HIVEP3: variants seen among roughly 807,000 people sequenced by gnomAD.
HIVEP3 encodes the protein HIVEP zinc finger 3, also known as transcription factor HIVEP3.
In HIVEP3, 49 loss-of-function variants were observed where a neutral mutation model predicts 152.8. The ratio of observed to expected loss-of-function variants is 0.32; its 90% CI spans 0.26 to 0.41. The LOEUF is 0.41. Ranked by LOEUF, HIVEP3 falls within the 10% of genes least tolerant of loss-of-function variation. HIVEP3 has a pLI of 1.00. For missense variants in HIVEP3, 2,790 were observed against 3,103.3 expected (o/e 0.90, Z 2.40); for synonymous variants, 1,269 against 1,289.0 (o/e 0.98, Z 0.33).
chr1:41,870,573 C>A (rs1433758669), intron 1 of HIVEP3, among the ~76,000 whole-genome samples: 1 of 152,226 alleles, frequency 6.6e-6, no homozygotes, highest in Non-Finnish European at 1.5e-5. Context: ...AAGCTCCATT[C>A]ATATTCTAAA....
intron 1 of HIVEP3, among the ~76,000 whole-genome samples, chr1:41,741,176 G>C (rs1558228977): frequency 6.6e-6 from 1 of 152,230 alleles, no homozygotes; most frequent in Admixed American, 6.5e-5. Context: ...CAAGAGGATA[G>C]AAACACAGAT....
At chr1:41,992,846 A>G (rs1238115952) in intron 1 of HIVEP3, among the ~76,000 whole-genome samples, 2 of 135,080 alleles carry the variant, frequency 1.5e-5, no homozygotes, top group Admixed American at 7.4e-5. Flanking sequence ...ATAACGCCGC[A>G]TATCTACAAC....
At chr1:41,667,462 G>T (rs988862039) in intron 2 of HIVEP3, among the ~76,000 whole-genome samples, 7 of 152,358 alleles carry the variant, frequency 4.6e-5, no homozygotes, top group African/African-American at 1.7e-4. Flanking sequence ...GGCCCCAGGT[G>T]GGGAAGGCGG....
rs1390834216 is a variant in HIVEP3 at position 41,693,515 on chromosome 1, T to C, written c.-721+7401A>G. Reference sequence around the variant, plus strand: ...TTTTTCCGCTGGCAATTTGTCTTTATCTAATACTTCACTTACAAGAGCTCT... The same window carrying C: ...TTTTTCCGCTGGCAATTTGTCTTTACCTAATACTTCACTTACAAGAGCTCT... On this transcript the variant is annotated intron_variant, in intron 2 of 8. Transcript: ENST00000372583. Among the ~76,000 whole-genome samples, 3 of 152,234 alleles carry C rather than the reference T, an allele frequency of 2.0e-5. No homozygotes were observed. The East Asian group carries it at 5.8e-4, about 29-fold the overall frequency.
At chr1:41,545,990 G>A (rs1643795085) in intron 5 of HIVEP3, among the ~76,000 whole-genome samples, 1 of 152,260 alleles carries the variant, frequency 6.6e-6, no homozygotes, top group South Asian at 2.1e-4. Context: ...AAGGACACAG[G>A]CTTTGAAGCC....
intron 3 of HIVEP3, among the ~76,000 whole-genome samples, chr1:41,598,192 C>A (rs534569247): frequency 1.3e-5 from 2 of 152,194 alleles, no homozygotes; most frequent in Admixed American, 6.5e-5. Flanking sequence ...TCCAGCCAGT[C>A]TCTCATCAAC....
rs180779237 is a variant in HIVEP3 at position 41,882,078 on chromosome 1, C to G, written c.-801+36335G>C. On this transcript the variant is annotated intron_variant, in intron 1 of 8. Coordinates refer to ENST00000372583, the MANE Select transcript of HIVEP3 (RefSeq NM_024503.5). ...TAATGTTTTTGTAGACACATTAAAT[C>G]ATAAAAATCCAAGAAACCATATCTC... Among the ~76,000 whole-genome samples, 46 of 152,306 alleles carry G rather than the reference C, an allele frequency of 3.0e-4. No homozygotes were observed. The East Asian group carries it at 8.5e-3, about 28-fold the overall frequency.
At chr1:41,804,769 C>T (rs1484306751) in intron 1 of HIVEP3, among the ~76,000 whole-genome samples, 2 of 152,182 alleles carry the variant, frequency 1.3e-5, no homozygotes, top group Non-Finnish European at 2.9e-5. Context: ...TGCTGACCCT[C>T]CAATAGGCTG....
At chr1:41,829,105 C>T (rs1420006569) in intron 1 of HIVEP3, among the ~76,000 whole-genome samples, 2 of 152,148 alleles carry the variant, frequency 1.3e-5, no homozygotes, top group South Asian at 4.2e-4. Flanking sequence ...CCTGGCCAGG[C>T]CAGGCACTCA....
intron 5 of HIVEP3, among the ~76,000 whole-genome samples, chr1:41,536,201 C>T (rs1643396801): frequency 6.6e-6 from 1 of 152,092 alleles, no homozygotes; most frequent in African/African-American, 2.4e-5. Context: ...GTGGGCTCCC[C>T]GTCACTAGCA....
chr1:41,696,820 G>T (rs957104245), intron 2 of HIVEP3, among the ~76,000 whole-genome samples: 1 of 152,070 alleles, frequency 6.6e-6, no homozygotes, highest in Non-Finnish European at 1.5e-5. Flanking sequence ...GCCCAGTCAC[G>T]GATGTGGAAT....
At chr1:41,650,276 G>C (rs1300286768) in intron 2 of HIVEP3, among the ~76,000 whole-genome samples, 2 of 152,172 alleles carry the variant, frequency 1.3e-5, no homozygotes, top group Non-Finnish European at 2.9e-5. Context: ...ACACGTGGGC[G>C]GTGACAGAGC....
chr1:41,713,729 C>T (rs1016726822), intron 1 of HIVEP3, among the ~76,000 whole-genome samples: 3 of 152,244 alleles, frequency 2.0e-5, no homozygotes, highest in Non-Finnish European at 2.9e-5. Context: ...TCACTACCTG[C>T]TGGGCAGCCC....
At chr1:42,003,219 GGT>G (rs1156701937) in intron 1 of HIVEP3, among the ~76,000 whole-genome samples, 3 of 152,008 alleles carry the variant, frequency 2.0e-5, no homozygotes, top group Non-Finnish European at 2.9e-5. Flanking sequence ...TGGGAATGCA[GGT>G]GTGCACCACC....
intron 1 of HIVEP3, among the ~76,000 whole-genome samples, chr1:42,006,428 G>A (rs1290102266): frequency 1.3e-5 from 2 of 152,030 alleles, no homozygotes; most frequent in Admixed American, 1.3e-4. Context: ...CTTTGTTTAT[G>A]GGGTAATATC....
intron 2 of HIVEP3, among the ~76,000 whole-genome samples, chr1:41,644,583 C>G (rs1477624074): frequency 6.6e-6 from 1 of 152,020 alleles, no homozygotes; most frequent in East Asian, 1.9e-4. Context: ...GCCTCTAACT[C>G]TCAGAATATA....
intron 1 of HIVEP3, among the ~76,000 whole-genome samples, chr1:41,785,009 A>C (rs942614991): frequency 6.6e-6 from 1 of 152,210 alleles, no homozygotes; most frequent in Non-Finnish European, 1.5e-5. Context: ...GTTGACTGAG[A>C]TCCCCCAAGA....
intron 2 of HIVEP3, among the ~76,000 whole-genome samples, chr1:41,642,095 C>G (rs969434687): frequency 7.9e-5 from 12 of 152,300 alleles, no homozygotes; most frequent in African/African-American, 2.6e-4. Context: ...TTCCTGCCCC[C>G]ACCCTGGCTC....
chr1:41,696,341 T>C (rs2124118602), intron 2 of HIVEP3, among the ~76,000 whole-genome samples: 1 of 152,348 alleles, frequency 6.6e-6, no homozygotes, highest in East Asian at 1.9e-4. Flanking sequence ...GCCACGAACA[T>C]CAACAGCAGC....
Sources: allele counts gnomAD v4.1 joint callset (sites outside exome capture counted in the v4.1 genomes callset), GRCh38; gene constraint gnomAD v4.1.1; transcripts MANE v1.5; gene names NCBI Gene and HGNC (gene_info 2026-07-23, HGNC 2026-07-21).